Variants in TMEM212 observed in about 807,000 individuals in gnomAD.
TMEM212 encodes the protein transmembrane protein 212.
Under a neutral mutation model 20.5 loss-of-function variants are expected in TMEM212, and 23 were observed. The observed-to-expected ratio is 1.12, with a 90% CI of 0.81 to 1.59. The LOEUF is 1.59. TMEM212 is among the 40% of genes most tolerant of loss of function. The pLI is 0.00. For synonymous variants in TMEM212, 76 were observed against 81.6 expected (o/e 0.93, Z 0.37); for missense variants, 211 against 215.0 (o/e 0.98, Z 0.12).
chr3:171,851,028 A>C (rs1724965871), intron 1 of TMEM212, among the ~76,000 whole-genome samples: 1 of 152,124 alleles, frequency 6.6e-6, no homozygotes, highest in Non-Finnish European at 1.5e-5. Flanking sequence ...TTCCTCCTTA[A>C]CTTTGTTGAT....
rs1725168776 is a variant in TMEM212, at chr3:171,858,492, C to A, written c.*435C>A. The A allele has an allele frequency of 6.6e-6, 1 of 152,028 alleles. No individual in the cohort carries two copies. The highest frequency in any genetic ancestry group is 2.4e-5 in the African/African-American group (1 of 41,342). The allele number at this position is 152,028 out of a possible 1,614,324, so 9.4% of individuals were successfully genotyped here. ...CCCTAGAAGAAAACCTAGGCAATAC[C>A]ATTCAGGACATAGGCATGGGCAAAG... On this transcript the variant is annotated 3_prime_UTR_variant, in exon 5 of 5. Coordinates refer to ENST00000334567, the MANE Select transcript of TMEM212 (RefSeq NM_001164436.2).
intron 3 of TMEM212, among the ~76,000 whole-genome samples, chr3:171,854,526 A>G (rs1725066578): frequency 6.6e-6 from 1 of 152,254 alleles, no homozygotes; most frequent in Non-Finnish European, 1.5e-5. Context: ...GGTATCCCAT[A>G]ATCATAAATC....
intron 1 of TMEM212, among the ~76,000 whole-genome samples, chr3:171,846,070 C>T (rs888850476): frequency 1.1e-4 from 17 of 152,142 alleles, no homozygotes; most frequent in African/African-American, 4.1e-4. Context: ...CTGTTACTTC[C>T]TGGACTTCAT....
rs1725129573 is a variant in TMEM212 at position 171,856,807 on chromosome 3, A to C, written c.*3+100A>C. 3.3e-5 allele frequency: 15 copies of C among 454,766 alleles called. No individual in the cohort carries two copies. The East Asian group carries it at 5.0e-4, about 15-fold the overall frequency. The allele number at this position is 454,766 out of a possible 1,614,324, so 28.2% of individuals were successfully genotyped here. On this transcript the variant is annotated intron_variant, in intron 4 of 4. Coordinates refer to ENST00000334567, the MANE Select transcript of TMEM212 (RefSeq NM_001164436.2). ...TAAGATGTTTAAACAAGCTTTATATAAGGTAGTTGAACTCCTTTACCTAAA... is the reference window on the plus strand; with the variant it reads ...TAAGATGTTTAAACAAGCTTTATATCAGGTAGTTGAACTCCTTTACCTAAA...
intron 3 of TMEM212, 85 bp downstream of exon 3, chr3:171,853,935 C>A: frequency 9.5e-7 from 1 of 1,052,968 alleles, no homozygotes; most frequent in Non-Finnish European, 1.4e-6. Flanking sequence ...GTTGATCTTT[C>A]TCTGTTATTT....
rs979878833 is a variant in TMEM212, at chr3:171,850,300, T to C, written c.160-1682T>C. 2.6e-5 allele frequency among the ~76,000 whole-genome samples: 4 copies of C among 152,180 alleles called. No individual in the cohort carries two copies. In the South Asian group the frequency reaches 8.3e-4, roughly 31 times the overall value. On this transcript the variant is annotated intron_variant, in intron 1 of 4. Transcript: ENST00000334567. ...AGGCATTCATACTCAGCCTACTGCA[T>C]GAAAGATCTTTTTCAAAGTTTTATG...
At chr3:171,853,400 G>T in intron 2 of TMEM212, 127 bp from the exon 3 acceptor site, 255 of 648,626 alleles carry the variant, frequency 3.9e-4, no homozygotes, top group East Asian at 4.8e-4. Context: ...AGTCGTGATT[G>T]ATTTCTCCCT....
At chr3:171,850,176 TTC>T (rs1724941197) in intron 1 of TMEM212, among the ~76,000 whole-genome samples, 1 of 152,146 alleles carries the variant, frequency 6.6e-6, no homozygotes, top group Non-Finnish European at 1.5e-5. Context: ...AATAGCCCTA[TTC>T]TATCTCCCAT....
chr3:171,848,494 G>C (rs1724887886), intron 1 of TMEM212, among the ~76,000 whole-genome samples: 2 of 151,678 alleles, frequency 1.3e-5, no homozygotes, highest in African/African-American at 4.9e-5. Context: ...CCAAACTGTG[G>C]GAATCTATCC....
intron 3 of TMEM212, 63 bp downstream of exon 3, chr3:171,853,913 G>A (rs1186252381): frequency 2.3e-6 from 3 of 1,279,594 alleles, no homozygotes; most frequent in Non-Finnish European, 3.2e-6. Flanking sequence ...TGGAAAGTCT[G>A]GTATGTGAAC....
intron 3 of TMEM212, among the ~76,000 whole-genome samples, chr3:171,856,374 A>G (rs746604477): frequency 2.6e-5 from 4 of 152,202 alleles, no homozygotes; most frequent in Non-Finnish European, 2.9e-5. Flanking sequence ...AGTAAACTGG[A>G]TAAGTGACAC....
Position 171,854,060 on chromosome 3 carries a change from G to A in TMEM212, c.543+210G>A, listed in dbSNP as rs532347848. ...TGACATTATAACTGAAGTTATGGCC[G>A]TAGGTAGCACCAGCCAATTTTTATG... On this transcript the variant is annotated intron_variant, in intron 3 of 4. Transcript: ENST00000334567. Among the ~76,000 whole-genome samples, 9 of 152,188 alleles carry A rather than the reference G, an allele frequency of 5.9e-5. No homozygotes were observed. In the South Asian group the frequency reaches 8.3e-4, roughly 14 times the overall value.
rs1725182335 is a variant in TMEM212 at position 171,858,867 on chromosome 3, A to G, written c.*810A>G. The G allele has an allele frequency of 6.6e-6, 1 of 152,234 alleles. No homozygotes were observed. The highest frequency in any genetic ancestry group is 1.5e-5 in the Non-Finnish European group (1 of 68,044). The allele number at this position is 152,234 out of a possible 1,614,324, so 9.4% of individuals were successfully genotyped here. ...CATGCACACGTATGTTTATTGCGGCACTATTCACAATAGTAAAGACTTGGA... is the reference window on the plus strand; with the variant it reads ...CATGCACACGTATGTTTATTGCGGCGCTATTCACAATAGTAAAGACTTGGA... On this transcript the variant is annotated 3_prime_UTR_variant, in exon 5 of 5. Transcript: ENST00000334567.
At chr3:171,857,115 C>G (rs1725137116) in intron 4 of TMEM212, 1 of 154,276 alleles carries the variant, frequency 6.5e-6, no homozygotes, top group Non-Finnish European at 1.4e-5. Context: ...AGAATTTCCA[C>G]TTGATGGGGC....
rs1229576098 is a variant in TMEM212 at position 171,853,628 on chromosome 3, T to C, written c.321T>C (p.Tyr107=). 3 of 1,537,408 alleles carry C rather than the reference T, an allele frequency of 2.0e-6. No homozygotes were observed. The highest frequency in any genetic ancestry group is 2.7e-5 in the African/African-American group (2 of 73,160). Residue 107 remains tyrosine (Y), a synonymous_variant, in exon 3 of 5, where the codon TAT becomes TAC. Transcript: ENST00000334567. ...CTCTCCTGGGCCCATATTGCTTCTA[T>C]TCATTTTCAGGGATTGCAGGGACTA... ...ESALLGPYCF[Y]SFSGIAGTNY...
intron 3 of TMEM212, among the ~76,000 whole-genome samples, chr3:171,854,695 T>C (rs187531197): frequency 1.3e-5 from 2 of 152,248 alleles, no homozygotes; most frequent in East Asian, 1.9e-4. Flanking sequence ...CAAAGCGAAC[T>C]TGAGAAAGAA....
intron 4 of TMEM212, chr3:171,857,116 T>C (rs558097013): frequency 6.5e-6 from 1 of 154,546 alleles, no homozygotes; most frequent in East Asian, 1.9e-4. Context: ...GAATTTCCAC[T>C]TGATGGGGCA....
At chr3:171,846,069 C>A (rs1402595334) in intron 1 of TMEM212, among the ~76,000 whole-genome samples, 1 of 152,152 alleles carries the variant, frequency 6.6e-6, no homozygotes, top group African/African-American at 2.4e-5. Context: ...CCTGTTACTT[C>A]CTGGACTTCA....
intron 3 of TMEM212, 77 bp from the exon 4 acceptor site, chr3:171,856,586 A>G (rs1725122557): frequency 3.4e-6 from 2 of 582,224 alleles, no homozygotes; most frequent in Non-Finnish European, 6.2e-6. Flanking sequence ...CCCCTTTTAC[A>G]TGGGTGCCCC....
Sources: allele counts gnomAD v4.1 joint callset (sites outside exome capture counted in the v4.1 genomes callset), GRCh38; gene constraint gnomAD v4.1.1; transcripts MANE v1.5; gene names NCBI Gene and HGNC (gene_info 2026-07-23, HGNC 2026-07-21).